Variants in CACNA2D1 observed in about 807,000 individuals in gnomAD.
The protein encoded by CACNA2D1 is voltage-dependent calcium channel subunit alpha-2/delta-1.
A neutral mutation model predicts 171.5 loss-of-function variants in CACNA2D1; 53 were observed. The observed-to-expected ratio is 0.31, with a 90% CI of 0.25 to 0.39. The LOEUF (loss-of-function observed/expected upper bound fraction) is 0.39. Among genes scored for constraint, CACNA2D1 ranks in the 10% least tolerant of loss-of-function variants. The pLI is 1.00. For missense variants in CACNA2D1, 903 were observed against 1,299.8 expected (o/e 0.69, Z 4.69); for synonymous variants, 442 against 443.1 (o/e 1.00, Z 0.03).
At chr7:82,324,795 T>G (rs1816441246) in intron 3 of CACNA2D1, among the ~76,000 whole-genome samples, 1 of 152,116 alleles carries the variant, frequency 6.6e-6, no homozygotes, top group African/African-American at 2.4e-5. Flanking sequence ...AGCCTATTAT[T>G]TATTAAGTGG....
At chr7:82,182,562 G>T (rs34675279) in intron 3 of CACNA2D1, among the ~76,000 whole-genome samples, 42,400 of 147,380 alleles carry the variant, frequency 0.29, 6,231 homozygotes, top group East Asian at 0.45. Flanking sequence ...TTTTTTCTGC[G>T]TTTTTTTTTT....
rs200864583 is a variant in CACNA2D1, at chr7:82,038,225, T to C, written c.890A>G (p.Asn297Ser). 1.9e-6 allele frequency: 3 copies of C among 1,613,024 alleles called. No individual in the cohort carries two copies. Among genetic ancestry groups the C allele is most frequent in the South Asian group, 1.1e-5 (1 of 91,046 alleles). Residue 297 changes from asparagine to serine, a missense_variant, in exon 11 of 39, where the codon AAT (asparagine) becomes AGT (serine). By Grantham distance (46) the Asn-to-Ser change is conservative. Coordinates refer to ENST00000356860, the MANE Select transcript of CACNA2D1 (RefSeq NM_000722.4). Reference sequence around the variant, plus strand: ...CTGAAAACAGCTTACATCCTGAGCATTGCTGTTAAACTGCAAAAGATTAAA... The same window carrying C: ...CTGAAAACAGCTTACATCCTGAGCACTGCTGTTAAACTGCAAAAGATTAAA... Reference protein sequence around the residue: ...DFVNVASFNSNAQDVSCFQHL... With the variant: ...DFVNVASFNSSAQDVSCFQHL...
chr7:82,417,865 ATG>A (rs1422074843), intron 1 of CACNA2D1, among the ~76,000 whole-genome samples: 1 of 152,210 alleles, frequency 6.6e-6, no homozygotes. Context: ...TATAGTGAGA[ATG>A]TAACATATTT....
chr7:82,394,654 T>C (rs957547892), intron 1 of CACNA2D1, among the ~76,000 whole-genome samples: 3 of 152,188 alleles, frequency 2.0e-5, no homozygotes, highest in African/African-American at 4.8e-5. Flanking sequence ...TTTTTTGGTT[T>C]TGTTTGCTTG....
At position 82,385,650 on chromosome 7, in the gene CACNA2D1, G is replaced by GTTTTGTTTTGTTTTGTTGTTTCTTGTTGT. The variant is rs202043133; in HGVS notation, c.96-36002_96-36001insACAACAAGAAACAACAAAACAAAACAAAA. Among the ~76,000 whole-genome samples, 5 of 117,202 alleles carry GTTTTGTTTTGTTTTGTTGTTTCTTGTTGT rather than the reference G, an allele frequency of 4.3e-5. No individual in the cohort carries two copies. In the East Asian group the frequency reaches 2.0e-3, roughly 47 times the overall value. The allele number at this position is 117,202 out of a possible 152,430, so 76.9% of individuals were successfully genotyped here. ...ATTATATTTAAGGGGTTTTTTGGTT[G>GTTTTGTTTTGTTTTGTTGTTTCTTGTTGT]TTTTGTTTTGTTTTGTTTTGTTTTG... On this transcript the variant is annotated intron_variant, in intron 1 of 38. Transcript: ENST00000356860.
At chr7:82,084,199 T>C (rs1302065265) in intron 7 of CACNA2D1, among the ~76,000 whole-genome samples, 1 of 152,188 alleles carries the variant, frequency 6.6e-6, no homozygotes, top group African/African-American at 2.4e-5. Flanking sequence ...AAAAGATGTT[T>C]TCACTTTAAC....
chr7:82,290,756 C>T (rs1300932233), intron 3 of CACNA2D1, among the ~76,000 whole-genome samples: 2 of 151,576 alleles, frequency 1.3e-5, no homozygotes, highest in Non-Finnish European at 2.9e-5. Context: ...ACCACCATGC[C>T]GGGCTAATTT....
chr7:82,391,550 C>T (rs1825123171), intron 1 of CACNA2D1, among the ~76,000 whole-genome samples: 1 of 152,154 alleles, frequency 6.6e-6, no homozygotes, highest in Non-Finnish European at 1.5e-5. Flanking sequence ...AAAAATGTTA[C>T]ACTGGTTTTA....
chr7:82,094,170 T>C (rs1013444198), intron 6 of CACNA2D1, among the ~76,000 whole-genome samples: 1 of 151,980 alleles, frequency 6.6e-6, no homozygotes, highest in Non-Finnish European at 1.5e-5. Context: ...TGAAGCACAG[T>C]ACATAGAAGT....
intron 32 of CACNA2D1, among the ~76,000 whole-genome samples, chr7:81,964,977 G>T (rs1311055982): frequency 6.6e-6 from 1 of 151,826 alleles, no homozygotes; most frequent in African/African-American, 2.4e-5. Context: ...AAATGAGAGA[G>T]CAGGCTGGCC....
intron 38 of CACNA2D1, among the ~76,000 whole-genome samples, chr7:81,951,358 T>TTTTA (rs1329630043): frequency 6.6e-6 from 1 of 152,208 alleles, no homozygotes; most frequent in African/African-American, 2.4e-5. Flanking sequence ...TATTTTTAAA[T>TTTTA]TTTATTTCAA....
chr7:82,398,021 G>A (rs1825926747), intron 1 of CACNA2D1, among the ~76,000 whole-genome samples: 1 of 152,226 alleles, frequency 6.6e-6, no homozygotes, highest in African/African-American at 2.4e-5. Flanking sequence ...TAGATGAAGA[G>A]AGTGGCTAAG....
At chr7:82,240,339 C>T (rs992346245) in intron 3 of CACNA2D1, among the ~76,000 whole-genome samples, 1 of 152,128 alleles carries the variant, frequency 6.6e-6, no homozygotes, top group African/African-American at 2.4e-5. Context: ...TGTTATATCC[C>T]TTCATCTTCT....
intron 4 of CACNA2D1, among the ~76,000 whole-genome samples, chr7:82,142,110 C>A (rs1469049440): frequency 6.6e-6 from 1 of 152,170 alleles, no homozygotes; most frequent in Non-Finnish European, 1.5e-5. Flanking sequence ...AAGTCAGCAA[C>A]AGCTTCAAAC....
chr7:82,180,931 G>C (rs557997000), intron 3 of CACNA2D1, among the ~76,000 whole-genome samples: 2 of 151,082 alleles, frequency 1.3e-5, no homozygotes, highest in East Asian at 3.9e-4. Flanking sequence ...TCTCGCAGGT[G>C]TTGCAGATTG....
chr7:82,113,354 T>C (rs1051826387), intron 6 of CACNA2D1, among the ~76,000 whole-genome samples: 2 of 152,172 alleles, frequency 1.3e-5, no homozygotes, highest in Non-Finnish European at 2.9e-5. Context: ...TTGTTTTTAC[T>C]AAGTTATATG....
At chr7:82,185,665 T>C (rs1232768495) in intron 3 of CACNA2D1, among the ~76,000 whole-genome samples, 1 of 151,966 alleles carries the variant, frequency 6.6e-6, no homozygotes, top group African/African-American at 2.4e-5. Flanking sequence ...TGATATCTAT[T>C]ATTAAAAAGG....
chr7:82,332,510 T>G (rs6956050), intron 3 of CACNA2D1, among the ~76,000 whole-genome samples: 1,209 of 92,644 alleles, frequency 0.013, 22 homozygotes, highest in African/African-American at 0.038. Context: ...AAAAGAAATA[T>G]AAAGAAAGAA....
intron 1 of CACNA2D1, among the ~76,000 whole-genome samples, chr7:82,406,639 G>T (rs914657569): frequency 1.3e-5 from 2 of 152,116 alleles, no homozygotes; most frequent in African/African-American, 4.8e-5. Context: ...TTCTTTAATG[G>T]CCAGTGATGA....
Sources: gnomAD v4.1 joint callset for allele counts (sites outside exome capture counted in the v4.1 genomes callset) on GRCh38, gnomAD v4.1.1 for gene constraint, MANE v1.5 for transcripts, NCBI Gene and HGNC (gene_info 2026-07-23, HGNC 2026-07-21) for gene names.